The following ANXA6 variants were observed in gnomAD, a reference collection of about 807,000 sequenced individuals.
ANXA6 encodes the protein 67 kDa calelectrin.
In ANXA6, 71 loss-of-function variants were observed where a neutral mutation model predicts 95.4. That is an observed-to-expected ratio of 0.74 (90% CI 0.61 to 0.91). ANXA6 has a LOEUF of 0.91. Among genes scored for constraint, ANXA6 ranks in the 40% least tolerant of loss-of-function variants. The pLI is 0.00. For missense variants in ANXA6, 830 were observed against 876.4 expected (o/e 0.95, Z 0.67); for synonymous variants, 289 against 315.9 (o/e 0.91, Z 0.90).
chr5:151,126,454 G>A lies in ANXA6; in HGVS notation c.1004C>T (p.Ala335Val). The A allele has an allele frequency of 6.2e-7, 1 of 1,610,634 alleles. No individual in the cohort carries two copies. Among genetic ancestry groups the A allele is most frequent in the South Asian group, 1.1e-5 (1 of 90,228 alleles). ...DDAAGQFFPE[A>V]AQVAYQMWEL... is the part of the protein sequence containing the mutation. ...CCACATCTGATAGGCCACCTGCGCT[G>A]CCTCCGGGAAGAACTGGCCAGCAGC... The change falls in exon 14 of 26, where the codon GCA (alanine) becomes GTA (valine). Residue 335 changes from alanine to valine, a missense_variant. Physicochemically the swap from Ala to Val is moderately conservative, Grantham distance 64. Coordinates refer to ENST00000354546, the MANE Select transcript of ANXA6 (RefSeq NM_001155.5).
chr5:151,101,099 T>A lies in ANXA6; in HGVS notation c.*349A>T. ...ACCCCCTCATTCAAAGTACAGACAC[T>A]ACTCATTTTACAGACAGAGGTTCAG... is the stretch of plus-strand genomic sequence containing the variant. On this transcript the variant is annotated 3_prime_UTR_variant, in exon 26 of 26. Coordinates refer to ENST00000354546, the MANE Select transcript of ANXA6 (RefSeq NM_001155.5). The A allele has an allele frequency of 4.1e-6, 2 of 487,892 alleles. No homozygotes were observed. The highest frequency in any genetic ancestry group is 2.4e-5 in the Admixed American group (1 of 41,910). The allele number at this position is 487,892 out of a possible 1,614,324, so 30.2% of individuals were successfully genotyped here. A position where few individuals can be genotyped will look rare whatever the true frequency, so the allele number is the denominator to read the frequency against.
intron 9 of ANXA6, among the ~76,000 whole-genome samples, 171 bp from the exon 10 acceptor site, chr5:151,132,742 G>A (rs188819312): frequency 1.3e-5 from 2 of 152,064 alleles, no homozygotes; most frequent in East Asian, 1.9e-4. Context: ...CCAGCGCTGT[G>A]CAGATGAGCT....
intron 1 of ANXA6, among the ~76,000 whole-genome samples, chr5:151,155,860 G>A (rs554047787): frequency 1.3e-5 from 2 of 152,340 alleles, no homozygotes; most frequent in East Asian, 3.9e-4. Flanking sequence ...GGCAGGGCAG[G>A]GGCTGGGTCC....
At chr5:151,108,787 TG>T (rs1435625902) in intron 22 of ANXA6, among the ~76,000 whole-genome samples, 1 of 152,232 alleles carries the variant, frequency 6.6e-6, no homozygotes, top group Admixed American at 6.5e-5. Context: ...TCCCCGTGCC[TG>T]GCCAATGGTC....
chr5:151,146,816 T>TTGC (rs1055016787), intron 2 of ANXA6, among the ~76,000 whole-genome samples: 8 of 152,148 alleles, frequency 5.3e-5, no homozygotes, highest in African/African-American at 1.7e-4. Context: ...TTTTTGAGAC[T>TTGC]TGCTCTGTAG....
intron 9 of ANXA6, 120 bp from the exon 10 acceptor site, chr5:151,132,691 C>G (rs543987483): frequency 1.2e-6 from 1 of 805,720 alleles, no homozygotes; most frequent in African/African-American, 1.7e-5. Flanking sequence ...GAAGCTAGGG[C>G]TGGTGCTATG....
intron 20 of ANXA6, among the ~76,000 whole-genome samples, chr5:151,114,989 CCCACAT>C (rs1764958690): frequency 6.6e-6 from 1 of 152,144 alleles, no homozygotes; most frequent in African/African-American, 2.4e-5. Context: ...ACATTTTGCT[CCCACAT>C]TTCCATTTCA....
In ANXA6 at chr5:151,136,232, G is replaced by A. The variant is rs757796274; in HGVS notation, c.489+24C>T. ...ACAAAAGCTATCCCAAGCTCCAGAG[G>A]AAAAAAATAGGCTGTGAACCAACCT... On this transcript the variant is annotated intron_variant, in intron 7 of 25. Transcript: ENST00000354546. 4.3e-6 allele frequency: 7 copies of A among 1,612,264 alleles called. No individual in the cohort carries two copies. The South Asian group carries it at 7.7e-5, about 18-fold the overall frequency.
intron 25 of ANXA6, 135 bp from the exon 26 acceptor site, chr5:151,101,642 AG>A (rs1226394612): frequency 5.2e-6 from 4 of 766,250 alleles, no homozygotes; most frequent in Non-Finnish European, 9.2e-6. Context: ...TGCCACATGT[AG>A]GCTACTGGGA....
At chr5:151,103,774 G>GCCTTTCTCCCTTGTT in intron 24 of ANXA6, 82 bp from the exon 25 acceptor site, 1 of 1,465,152 alleles carries the variant, frequency 6.8e-7, no homozygotes, top group Non-Finnish European at 9.1e-7. Flanking sequence ...TATCCCATCT[G>GCCTTTCTCCCTTGTT]CCTTTCTCCC....
Position 151,136,309 on chromosome 5 carries a change from T to C in ANXA6, c.436A>G (p.Ile146Val). The C allele has an allele frequency of 6.2e-7, 1 of 1,613,952 alleles. No individual in the cohort carries two copies. The highest frequency in any genetic ancestry group is 1.1e-5 in the South Asian group (1 of 91,080). Residue 146 changes from isoleucine (I) to valine (V), a missense_variant, in exon 7 of 26, where the codon ATC becomes GTC. By Grantham distance (29) the Ile-to-Val change is conservative (BLOSUM62 3). Transcript: ENST00000354546. ...AAGTGGCCAGAGGTGTCGCCGATGA[T>C]GTCAGCCTCCAGGTCCCGCTCGTAG... is the stretch of plus-strand genomic sequence containing the variant. ...DAYERDLEAD[I>V]IGDTSGHFQK...
rs771846963 is a variant in ANXA6 at position 151,124,343 on chromosome 5, T to C, written c.1081A>G (p.Asn361Asp). 3 of 1,612,724 alleles carry C rather than the reference T, an allele frequency of 1.9e-6. No homozygotes were observed. Among genetic ancestry groups the C allele is most frequent in the South Asian group, 2.2e-5 (2 of 90,630 alleles). Residue 361 changes from asparagine (N) to aspartate (D), a missense_variant, in exon 15 of 26, where the codon AAT (asparagine) becomes GAT (aspartate). Physicochemically the swap from Asn to Asp is conservative, Grantham distance 23 (BLOSUM62 1). Coordinates refer to ENST00000354546, the MANE Select transcript of ANXA6 (RefSeq NM_001155.5). ...GCATCTGCGTCAGGGTTGAAGTCAT[T>C]GGCTGGGCGCACAGTTCCCTTCAGC... ...VELKGTVRPA[N>D]DFNPDADAKA...
intron 9 of ANXA6, 150 bp downstream of exon 9, chr5:151,132,944 G>T: frequency 1.7e-6 from 1 of 601,756 alleles, no homozygotes; most frequent in African/African-American, 1.9e-5. Flanking sequence ...AGTTACTTTT[G>T]CACCAACCTA....
rs779616689 is a variant in ANXA6 at position 151,133,160 on chromosome 5, A to G, written c.574T>C (p.Trp192Arg). The G allele has an allele frequency of 1.4e-4, 224 of 1,595,412 alleles. No individual in the cohort carries two copies. Among genetic ancestry groups the G allele is most frequent in the Non-Finnish European group, 1.7e-4 (200 of 1,170,528 alleles). ...QDLYEAGELK[W>R]GTDEAQFIYI... ...ATGAACTGGGCTTCATCTGTTCCCC[A>G]TTTCAGTTCCCCTGCCTCGTATAGG... The change falls in exon 9 of 26, where the codon TGG becomes CGG. Residue 192 changes from tryptophan (W) to arginine (R), a missense_variant. Physicochemically the swap from Trp to Arg is moderately radical, Grantham distance 101 (BLOSUM62 -3). Coordinates refer to ENST00000354546, the MANE Select transcript of ANXA6 (RefSeq NM_001155.5).
At chr5:151,139,043 C>A (rs1041228897) in intron 4 of ANXA6, 1 of 594,306 alleles carries the variant, frequency 1.7e-6, no homozygotes, top group Non-Finnish European at 3.0e-6. Context: ...GCCACTTCCC[C>A]ACCACTGTCT....
chr5:151,108,081 G>A (rs1764747226), intron 23 of ANXA6, among the ~76,000 whole-genome samples: 1 of 152,014 alleles, frequency 6.6e-6, no homozygotes, highest in Admixed American at 6.6e-5. Flanking sequence ...TTTTATGTAT[G>A]AGTGTGTGTC....
At chr5:151,157,420 C>G (rs945021934) in intron 1 of ANXA6, among the ~76,000 whole-genome samples, 1 of 152,182 alleles carries the variant, frequency 6.6e-6, no homozygotes. Flanking sequence ...ACCAGACCCT[C>G]TGCAGCAACG....
At chr5:151,146,241 C>A (rs1765972919) in intron 2 of ANXA6, among the ~76,000 whole-genome samples, 1 of 152,256 alleles carries the variant, frequency 6.6e-6, no homozygotes, top group Non-Finnish European at 1.5e-5. Flanking sequence ...CTTGGATCAT[C>A]TAGAATCCTG....
chr5:151,154,663 C>T (rs191727194), intron 1 of ANXA6, among the ~76,000 whole-genome samples: 81 of 152,288 alleles, frequency 5.3e-4, no homozygotes, highest in African/African-American at 1.8e-3. Flanking sequence ...TGGCTCTGTG[C>T]GTGGGCACAC....
Sources: allele counts gnomAD v4.1 joint callset (sites outside exome capture counted in the v4.1 genomes callset), GRCh38; gene constraint gnomAD v4.1.1; transcripts MANE v1.5; gene names NCBI Gene and HGNC (gene_info 2026-07-23, HGNC 2026-07-21).